The following C5orf22 variants were observed in gnomAD, a reference collection of about 807,000 sequenced individuals.
C5orf22 encodes chromosome 5 open reading frame 22.
C5orf22 carries 36 observed loss-of-function variants against 48.7 expected under a neutral mutation model. The observed-to-expected ratio is 0.74, with a 90% CI of 0.57 to 0.98. The LOEUF (loss-of-function observed/expected upper bound fraction) is 0.98, where lower values mean the gene tolerates loss of function less well. Among genes scored for constraint, C5orf22 ranks in the 50% least tolerant of loss-of-function variants. C5orf22 has a pLI of 0.00. For missense variants in C5orf22, 486 were observed against 521.9 expected (o/e 0.93, Z 0.67); for synonymous variants, 141 against 180.8 (o/e 0.78, Z 1.76).
intron 7 of C5orf22, among the ~76,000 whole-genome samples, chr5:31,550,980 A>T (rs1743220902): frequency 6.6e-6 from 1 of 152,248 alleles, no homozygotes; most frequent in African/African-American, 2.4e-5. Flanking sequence ...TCTGGCCCAG[A>T]CAGGCATATA....
chr5:31,553,131 C>T lies in C5orf22; in HGVS notation c.*229C>T. On this transcript the variant is annotated 3_prime_UTR_variant, in exon 9 of 9. Transcript: ENST00000325366. ...ATAGAACTGTTGCTTATCTGTCTTC[C>T]TTAAGTATTTTTTAGGGTTTTGTTT... 3.0e-6 allele frequency: 1 copy of T among 333,924 alleles called. No individual in the cohort carries two copies. Among genetic ancestry groups the T allele is most frequent in the Non-Finnish European group, 5.4e-6 (1 of 183,786 alleles). The allele number at this position is 333,924 out of a possible 1,614,324, so 20.7% of individuals were successfully genotyped here. A position where few individuals can be genotyped will look rare whatever the true frequency, so the allele number is the denominator to read the frequency against.
At position 31,534,414 on chromosome 5, in the gene C5orf22, TTG is replaced by T. The variant is rs1741952165; in HGVS notation, c.225_226del (p.Phe75LeufsTer6). On this transcript the variant is annotated frameshift_variant and splice_region_variant, in exon 2 of 9. Transcript: ENST00000325366. LOFTEE classifies it high-confidence loss of function. ...ACCGTGTTTGATAAGGAAACACTCT[TTG>T]GGTAATATGTGATTTTATTTATGGT... 6.2e-7 allele frequency: 1 copy of T among 1,605,678 alleles called. No homozygotes were observed. The highest frequency in any genetic ancestry group is 1.7e-5 in the Admixed American group (1 of 57,744).
rs1308652232 is a variant in C5orf22, at chr5:31,532,486, C to T, written c.81+13C>T. On this transcript the variant is annotated intron_variant, in intron 1 of 8. Transcript: ENST00000325366. Reference sequence around the variant, plus strand: ...GGATCATCAGGAGGTGAGCGGACGGCAACAGGGCTCTGGGGCAGAATCAGC... The same window carrying T: ...GGATCATCAGGAGGTGAGCGGACGGTAACAGGGCTCTGGGGCAGAATCAGC... 1 of 1,609,146 alleles carries T rather than the reference C, an allele frequency of 6.2e-7. No individual in the cohort carries two copies. Among genetic ancestry groups the T allele is most frequent in the Non-Finnish European group, 8.5e-7 (1 of 1,176,322 alleles).
chr5:31,538,502 C>T lies in C5orf22; in HGVS notation c.620C>T (p.Ala207Val), dbSNP rs1939119492. 6.2e-7 allele frequency: 1 copy of T among 1,614,048 alleles called. No individual in the cohort carries two copies. Among genetic ancestry groups the T allele is most frequent in the Admixed American group, 1.7e-5 (1 of 59,996 alleles). Residue 207 changes from alanine (A) to valine (V), a missense_variant, in exon 4 of 9, where the codon GCA becomes GTA. Physicochemically the swap from Ala to Val is moderately conservative, Grantham distance 64. Coordinates refer to ENST00000325366, the MANE Select transcript of C5orf22 (RefSeq NM_018356.3). ...TCAGAAGGACTGGAAAAGGACACAG[C>T]AACACAGAGAAGTGACCAGACTTGC... ...SSSEGLEKDT[A>V]TQRSDQTCLE...
intron 6 of C5orf22, 90 bp downstream of exon 6, chr5:31,541,492 A>G: frequency 7.0e-7 from 1 of 1,436,192 alleles, no homozygotes; most frequent in Non-Finnish European, 9.6e-7. Context: ...TGCTTTTAAA[A>G]AAGTAGTATT....
rs148956103 is a variant in C5orf22, at chr5:31,538,621, G to A, written c.739G>A (p.Ala247Thr). The change falls in exon 4 of 9, where the codon GCA becomes ACA. Residue 247 changes from alanine to threonine, a missense_variant. This residue lies in a region of C5orf22 where 408 missense variants were observed against 444.0 expected (regional missense o/e 0.92). Transcript: ENST00000325366. The part of the protein sequence containing the change: ...EILEILKKGK[A>T]FVLDIDLDFF... ...TCTGGAAATTTTGAAGAAAGGGAAG[G>A]CATTTGTTTTAGATATTGACTTGGA... is the stretch of plus-strand genomic sequence containing the variant. 1.4e-5 allele frequency: 23 copies of A among 1,613,934 alleles called. No homozygotes were observed. The highest frequency in any genetic ancestry group is 1.9e-5 in the Non-Finnish European group (23 of 1,179,966).
rs1742418150 is a variant in C5orf22, at chr5:31,540,967, C to A, written c.826C>A (p.Gln276Lys). 8 of 1,610,984 alleles carry A rather than the reference C, an allele frequency of 5.0e-6. No homozygotes were observed. The East Asian group carries it at 1.3e-4, about 27-fold the overall frequency. ...MFTQEEYKIL[Q>K]ELYQFKKPGT... The stretch of plus-strand genomic sequence containing the variant: ...TTTCCAGGAAGAGTACAAAATCTTA[C>A]AAGAGCTGTACCAATTTAAGAAACC... The change falls in exon 5 of 9, where the codon CAA becomes AAA. Residue 276 changes from glutamine to lysine, a missense_variant. Coordinates refer to ENST00000325366, the MANE Select transcript of C5orf22 (RefSeq NM_018356.3).
chr5:31,539,577 G>C (rs957184000), intron 4 of C5orf22, among the ~76,000 whole-genome samples: 1 of 152,214 alleles, frequency 6.6e-6, no homozygotes, highest in African/African-American at 2.4e-5. Flanking sequence ...TTCAGTGGCA[G>C]TTATTCCTTT....
intron 5 of C5orf22, 129 bp downstream of exon 5, chr5:31,541,140 GTGTGTGTGTA>G (rs1742435175): frequency 1.0e-6 from 1 of 988,282 alleles, no homozygotes; most frequent in African/African-American, 1.6e-5. Flanking sequence ...GTGTGTGTGT[GTGTGTGTGTA>G]TTGGCGAAGC....
Position 31,553,494 on chromosome 5 carries a change from G to A in C5orf22, c.*592G>A, listed in dbSNP as rs1398594550. ...TTTTTAATTTTATAAAAATAGAGAT[G>A]GGGTCTCACCATGTTACCCAGGCTG... On this transcript the variant is annotated 3_prime_UTR_variant, in exon 9 of 9. Coordinates refer to ENST00000325366, the MANE Select transcript of C5orf22 (RefSeq NM_018356.3). 6.6e-6 allele frequency: 1 copy of A among 150,694 alleles called. No homozygotes were observed. The highest frequency in any genetic ancestry group is 1.5e-5 in the Non-Finnish European group (1 of 67,822). 9.3% of individuals were successfully genotyped at this position (150,694 alleles called of 1,614,324 possible).
At chr5:31,547,251 G>A (rs182457969) in intron 7 of C5orf22, among the ~76,000 whole-genome samples, 9 of 152,346 alleles carry the variant, frequency 5.9e-5, no homozygotes, top group African/African-American at 1.7e-4. Context: ...GCATTGTCTT[G>A]GGCAGTTCTG....
intron 3 of C5orf22, chr5:31,538,037 C>A: frequency 2.2e-6 from 1 of 449,544 alleles, no homozygotes; most frequent in South Asian, 3.8e-5. Context: ...ATGGCCACAC[C>A]AGGCTGCAAG....
At position 31,541,343 on chromosome 5, in the gene C5orf22, C is replaced by A. The variant is rs142007850; in HGVS notation, c.933C>A (p.Phe311Leu). 3 of 1,613,584 alleles carry A rather than the reference C, an allele frequency of 1.9e-6. No homozygotes were observed. In the African/African-American group the frequency reaches 4.0e-5, roughly 22 times the overall value. Reference sequence around the variant, plus strand: ...AATTAGAGGATTTAGAAGCCACTTTCGCTGATTTGTGTGATGGTGATGATG... The same window carrying A: ...AATTAGAGGATTTAGAAGCCACTTTAGCTGATTTGTGTGATGGTGATGATG... ...IHQLEDLEAT[F>L]ADLCDGDDEE... is the part of the protein sequence containing the mutation. Residue 311 changes from phenylalanine (F) to leucine (L), a missense_variant, in exon 6 of 9, where the codon TTC becomes TTA. Physicochemically the swap from Phe to Leu is conservative, Grantham distance 22. Around this residue, in one of 3 missense-constraint regions of C5orf22, gnomAD observed 408 missense variants for 444.0 expected, o/e 0.92. Transcript: ENST00000325366.
At chr5:31,538,207 A>T in intron 3 of C5orf22, 53 bp from the exon 4 acceptor site, 2 of 1,326,390 alleles carry the variant, frequency 1.5e-6, no homozygotes, top group Non-Finnish European at 2.1e-6. Flanking sequence ...CCATAGTGAA[A>T]TGTCAACTGA....
In C5orf22 at chr5:31,552,992, T is replaced by G; in HGVS notation, c.*90T>G. ...TGTACATGAGTCTTCCAGAGAACAC[T>G]GTTTTATATTAACTTTCAGTTGAAA... On this transcript the variant is annotated 3_prime_UTR_variant, in exon 9 of 9. Coordinates refer to ENST00000325366, the MANE Select transcript of C5orf22 (RefSeq NM_018356.3). 1 of 1,112,544 alleles carries G rather than the reference T, an allele frequency of 9.0e-7. No individual in the cohort carries two copies. Among genetic ancestry groups the G allele is most frequent in the Non-Finnish European group, 1.3e-6 (1 of 775,414 alleles). The allele number at this position is 1,112,544 out of a possible 1,614,324, so 68.9% of individuals were successfully genotyped here.
chr5:31,540,967 C>G lies in C5orf22; in HGVS notation c.826C>G (p.Gln276Glu). 1 of 1,610,984 alleles carries G rather than the reference C, an allele frequency of 6.2e-7. No individual in the cohort carries two copies. Among genetic ancestry groups the G allele is most frequent in the Non-Finnish European group, 8.5e-7 (1 of 1,178,354 alleles). Reference sequence around the variant, plus strand: ...TTTCCAGGAAGAGTACAAAATCTTACAAGAGCTGTACCAATTTAAGAAACC... The same window carrying G: ...TTTCCAGGAAGAGTACAAAATCTTAGAAGAGCTGTACCAATTTAAGAAACC... ...MFTQEEYKIL[Q>E]ELYQFKKPGT... The change falls in exon 5 of 9, where the codon CAA becomes GAA. Residue 276 changes from glutamine (Q) to glutamate (E), a missense_variant. Physicochemically the swap from Gln to Glu is conservative, Grantham distance 29 (BLOSUM62 2). Transcript: ENST00000325366.
At chr5:31,534,140 G>A in intron 1 of C5orf22, 132 bp from the exon 2 acceptor site, 1 of 797,310 alleles carries the variant, frequency 1.3e-6, no homozygotes, top group East Asian at 2.6e-5. Context: ...CAAATTTTAT[G>A]TTTTTCCACT....
At position 31,534,291 on chromosome 5, in the gene C5orf22, G is replaced by C. The variant is rs757148459; in HGVS notation, c.101G>C (p.Arg34Pro). The C allele has an allele frequency of 6.2e-7, 1 of 1,613,354 alleles. No homozygotes were observed. Among genetic ancestry groups the C allele is most frequent in the Admixed American group, 1.7e-5 (1 of 59,896 alleles). ...TTACAGGTTCTACCCTTTATATACC[G>C]GGCCATAGGCTCAAAGCATCTTCCT... ...DHQEVLPFIYRAIGSKHLPAS... is the reference protein window; with the variant it reads ...DHQEVLPFIYPAIGSKHLPAS... The change falls in exon 2 of 9, where the codon CGG (arginine) becomes CCG (proline). Residue 34 changes from arginine (R) to proline (P), a missense_variant. By Grantham distance (103) the Arg-to-Pro change is moderately radical. Around this residue, in one of 3 missense-constraint regions of C5orf22, gnomAD observed 74 missense variants for 61.2 expected, o/e 1.21. Transcript: ENST00000325366.
intron 2 of C5orf22, chr5:31,534,941 T>A (rs1188394096): frequency 2.3e-6 from 1 of 435,206 alleles, no homozygotes; most frequent in South Asian, 1.7e-5. Flanking sequence ...TTAATCCTTT[T>A]AATATTTGCC....
Sources: gnomAD v4.1 joint callset for allele counts (sites outside exome capture counted in the v4.1 genomes callset) on GRCh38, gnomAD v4.1.1 for gene constraint, gnomAD v4.1.1 regional missense constraint, MANE v1.5 for transcripts, NCBI Gene and HGNC (gene_info 2026-07-23, HGNC 2026-07-21) for gene names.